BPTF: variants seen among roughly 807,000 people sequenced by gnomAD.
BPTF encodes nucleosome-remodeling factor subunit BPTF.
A neutral mutation model predicts 292.5 loss-of-function variants in BPTF; 18 were observed. That is an observed-to-expected ratio of 0.06 (90% CI 0.04 to 0.09). The LOEUF is 0.09. BPTF is among the 10% of genes least tolerant of loss of function. The pLI, the probability that BPTF is intolerant of heterozygous loss-of-function variation, is 1.00. For synonymous variants in BPTF, 1,225 were observed against 1,251.9 expected, an observed-to-expected ratio of 0.98 and a Z score of 0.45; for missense variants, 2,726 against 3,498.7, an observed-to-expected ratio of 0.78 and a Z score of 5.57.
At position 67,920,111 on chromosome 17, in the gene BPTF, T is replaced by C; in HGVS notation, c.5525T>C (p.Ile1842Thr). Reference protein sequence around the residue: ...IRSEYCIRKIICPIGVPETPK... With the variant: ...IRSEYCIRKITCPIGVPETPK... ...TCTGAATATTGTATCAGGAAAATCATTTGTCCCATTGGAGTTCCAGAAACA... is the reference window on the plus strand; with the variant it reads ...TCTGAATATTGTATCAGGAAAATCACTTGTCCCATTGGAGTTCCAGAAACA... Residue 1842 changes from isoleucine (I) to threonine (T), a missense_variant, in exon 13 of 28, where the codon ATT becomes ACT. By Grantham distance (89) the Ile-to-Thr change is moderately conservative (BLOSUM62 -1). Around this residue, in one of 22 missense-constraint regions of BPTF, gnomAD observed 198 missense variants for 277.1 expected, o/e 0.71. Transcript: ENST00000306378. The C allele has an allele frequency of 6.2e-7, 1 of 1,612,658 alleles. No homozygotes were observed. Among genetic ancestry groups the C allele is most frequent in the Admixed American group, 1.7e-5 (1 of 59,966 alleles).
At chr17:67,902,827 A>G (rs1339871164) in intron 7 of BPTF, among the ~76,000 whole-genome samples, 1 of 152,218 alleles carries the variant, frequency 6.6e-6, no homozygotes, top group Non-Finnish European at 1.5e-5. Context: ...TTCTTTCTGC[A>G]GAGCTGTGCA....
intron 9 of BPTF, 65 bp downstream of exon 9, chr17:67,904,905 G>T: frequency 3.1e-6 from 4 of 1,289,290 alleles, no homozygotes; most frequent in Middle Eastern, 2.8e-4. Flanking sequence ...TAAATTTGTA[G>T]TATTTTGACT....
intron 4 of BPTF, among the ~76,000 whole-genome samples, chr17:67,885,503 T>A (rs2060693642): frequency 6.6e-6 from 1 of 152,068 alleles, no homozygotes; most frequent in Non-Finnish European, 1.5e-5. Context: ...GGCGGGAGAA[T>A]CTCTTGAACC....
intron 22 of BPTF, 55 bp from the exon 23 acceptor site, chr17:67,948,026 T>G (rs1315961904): frequency 1.3e-6 from 2 of 1,526,554 alleles, no homozygotes; most frequent in African/African-American, 2.8e-5. Flanking sequence ...AATGATGTCT[T>G]AAGCCTTTCA....
chr17:67,927,728 A>G (rs1440466887), intron 15 of BPTF, among the ~76,000 whole-genome samples: 1 of 152,208 alleles, frequency 6.6e-6, no homozygotes, highest in African/African-American at 2.4e-5. Flanking sequence ...TGTTTGTACA[A>G]GCCAGAAAAA....
chr17:67,859,233 T>C (rs2058926097), intron 2 of BPTF, among the ~76,000 whole-genome samples: 1 of 152,238 alleles, frequency 6.6e-6, no homozygotes, highest in African/African-American at 2.4e-5. Flanking sequence ...GCAGCGTCAG[T>C]CTCCTAGGCT....
intron 13 of BPTF, among the ~76,000 whole-genome samples, chr17:67,922,542 A>G (rs140006505): frequency 3.9e-5 from 6 of 152,302 alleles, no homozygotes; most frequent in African/African-American, 1.2e-4. Flanking sequence ...CAGGTGGAAG[A>G]AACAGGTTGT....
chr17:67,907,223 C>A (rs1195954368), intron 9 of BPTF, among the ~76,000 whole-genome samples: 3 of 145,154 alleles, frequency 2.1e-5, no homozygotes, highest in Non-Finnish European at 3.0e-5. Flanking sequence ...CAAGAATATT[C>A]ATCTAGACAG....
At chr17:67,842,220 TAGAC>T (rs1185995589) in intron 1 of BPTF, among the ~76,000 whole-genome samples, 5 of 152,156 alleles carry the variant, frequency 3.3e-5, no homozygotes, top group Non-Finnish European at 7.3e-5. Flanking sequence ...TATATATACA[TAGAC>T]ATATATCTAC....
intron 1 of BPTF, among the ~76,000 whole-genome samples, chr17:67,832,140 A>T (rs2056747336): frequency 6.6e-6 from 1 of 152,076 alleles, no homozygotes; most frequent in South Asian, 2.1e-4. Flanking sequence ...CGCCTGCCTC[A>T]GCCTCCCAAA....
Position 67,982,404 on chromosome 17 carries a change from T to C in BPTF, c.*116T>C. 1.0e-6 allele frequency: 1 copy of C among 976,506 alleles called. No individual in the cohort carries two copies. Among genetic ancestry groups the C allele is most frequent in the South Asian group, 1.6e-5 (1 of 62,994 alleles). The allele number at this position is 976,506 out of a possible 1,614,324, so 60.5% of individuals were successfully genotyped here. A position where few individuals can be genotyped will look rare whatever the true frequency, so the allele number is the denominator to read the frequency against. ...TATCCTGACAAGACTTGACCTAAAC[T>C]TCGTTTTTATTGGTCATAACAGTCC... is the stretch of plus-strand genomic sequence containing the variant. On this transcript the variant is annotated 3_prime_UTR_variant, in exon 28 of 28. Coordinates refer to ENST00000306378, the MANE Select transcript of BPTF (RefSeq NM_182641.4).
chr17:67,933,690 A>G (rs1252819128), intron 18 of BPTF, among the ~76,000 whole-genome samples: 1 of 152,244 alleles, frequency 6.6e-6, no homozygotes, highest in Non-Finnish European at 1.5e-5. Context: ...GGAGAAATTA[A>G]TAGGAGCATA....
At chr17:67,942,271 T>C (rs761209128) in intron 19 of BPTF, among the ~76,000 whole-genome samples, 4 of 151,050 alleles carry the variant, frequency 2.6e-5, no homozygotes, top group African/African-American at 7.3e-5. Context: ...AGCCAAGATA[T>C]ACCACTGCAC....
At chr17:67,879,657 C>T (rs2060270943) in intron 4 of BPTF, among the ~76,000 whole-genome samples, 1 of 152,142 alleles carries the variant, frequency 6.6e-6, no homozygotes, top group African/African-American at 2.4e-5. Flanking sequence ...AAGCATGGTA[C>T]TGACATCTGC....
At chr17:67,866,174 A>G (rs994575674) in intron 2 of BPTF, among the ~76,000 whole-genome samples, 37 of 152,108 alleles carry the variant, frequency 2.4e-4, no homozygotes, top group African/African-American at 8.7e-4. Context: ...TTCTCATCAT[A>G]TTGTTACATT....
chr17:67,919,838 C>G (rs928724545), intron 12 of BPTF, among the ~76,000 whole-genome samples, 177 bp from the exon 13 acceptor site: 1 of 152,164 alleles, frequency 6.6e-6, no homozygotes, highest in Non-Finnish European at 1.5e-5. Context: ...GAGGAAGAAG[C>G]TCAGTATTGT....
intron 1 of BPTF, among the ~76,000 whole-genome samples, chr17:67,829,896 A>G (rs1417337191): frequency 6.6e-6 from 1 of 152,240 alleles, no homozygotes; most frequent in East Asian, 1.9e-4. Context: ...ATGCAAAGAC[A>G]TTAGTTGACA....
intron 18 of BPTF, among the ~76,000 whole-genome samples, chr17:67,936,236 G>A (rs925819293): frequency 5.9e-5 from 9 of 152,112 alleles, no homozygotes; most frequent in Admixed American, 1.3e-4. Context: ...TAAGGCAATC[G>A]TCTTGCCTAA....
intron 16 of BPTF, 86 bp from the exon 17 acceptor site, chr17:67,929,250 A>G: frequency 6.5e-7 from 1 of 1,550,238 alleles, no homozygotes; most frequent in African/African-American, 1.4e-5. Context: ...ACCCTGCCAC[A>G]CGTAGTTTCT....
Sources: gnomAD v4.1 joint callset for allele counts (sites outside exome capture counted in the v4.1 genomes callset) on GRCh38, gnomAD v4.1.1 for gene constraint, gnomAD v4.1.1 regional missense constraint, MANE v1.5 for transcripts, NCBI Gene and HGNC (gene_info 2026-07-23, HGNC 2026-07-21) for gene names.